The following PWWP3B variants were observed in gnomAD, a reference collection of about 807,000 sequenced individuals.
The protein encoded by PWWP3B is PWWP domain-containing DNA repair factor 3B.
A neutral mutation model predicts 15.7 loss-of-function variants in PWWP3B; 5 were observed. The observed-to-expected ratio is 0.32, with a 90% CI of 0.17 to 0.67. The LOEUF (loss-of-function observed/expected upper bound fraction) is 0.67, where lower values mean the gene tolerates loss of function less well. PWWP3B is among the 30% of genes least tolerant of loss of function. The pLI, the probability that PWWP3B is intolerant of heterozygous loss-of-function variation, is 0.74. For synonymous variants in PWWP3B, 203 were observed against 179.8 expected (o/e 1.13, Z -1.03); for missense variants, 519 against 493.1 (o/e 1.05, Z -0.50).
At chrX:106,180,416 T>G (rs1317760520) in intron 2 of PWWP3B, among the ~76,000 whole-genome samples, 3 of 112,115 alleles carry the variant, frequency 2.7e-5, no homozygotes, top group African/African-American at 9.7e-5. Flanking sequence ...TATTTATTCA[T>G]CTTTTGTCTT....
Position 106,206,085 on chromosome X carries a change from T to C in PWWP3B, c.653T>C (p.Met218Thr). 8.3e-7 allele frequency: 1 copy of C among 1,211,333 alleles called. No homozygotes were observed. The highest frequency in any genetic ancestry group is 1.1e-6 in the Non-Finnish European group (1 of 895,141). Residue 218 changes from methionine (M) to threonine (T), a missense_variant, in exon 4 of 4, where the codon ATG becomes ACG. Physicochemically the swap from Met to Thr is moderately conservative, Grantham distance 81 (BLOSUM62 -1). Coordinates refer to ENST00000357175, the MANE Select transcript of PWWP3B (RefSeq NM_001171020.2). ...NKNKIDISAV[M>T]SVHSAVKEES... The stretch of plus-strand genomic sequence containing the variant: ...AATAAGATTGATATCTCAGCAGTTA[T>C]GTCTGTGCATTCTGCAGTCAAAGAG...
chrX:106,181,192 G>A (rs996453215), intron 2 of PWWP3B, among the ~76,000 whole-genome samples: 2 of 111,954 alleles, frequency 1.8e-5, no homozygotes, highest in African/African-American at 6.5e-5. Flanking sequence ...CTTAAAGGTG[G>A]CACGGGCCCA....
intron 2 of PWWP3B, among the ~76,000 whole-genome samples, chrX:106,191,878 C>T (rs1275119230): frequency 9.0e-6 from 1 of 111,600 alleles, no homozygotes; most frequent in Non-Finnish European, 1.9e-5. Flanking sequence ...TTCTTGCATC[C>T]CAGAGATGAA....
chrX:106,206,397 G>A lies in PWWP3B; in HGVS notation c.965G>A (p.Ser322Asn), dbSNP rs1924025972. The A allele has an allele frequency of 1.7e-6, 2 of 1,208,670 alleles. No individual in the cohort carries two copies. The highest frequency in any genetic ancestry group is 2.2e-6 in the Non-Finnish European group (2 of 893,980). ...TCAAGGGAATGCGAGGTTTCATTTA[G>A]TGCCTCTAACCCTGTCTGGGATTAT... ...SCSRECEVSF[S>N]ASNPVWDYSH... is the part of the protein sequence containing the mutation. The change falls in exon 4 of 4, where the codon AGT becomes AAT. Residue 322 changes from serine (S) to asparagine (N), a missense_variant. By Grantham distance (46) the Ser-to-Asn change is conservative (BLOSUM62 1). Transcript: ENST00000357175.
At chrX:106,202,884 A>G (rs1486621704) in intron 2 of PWWP3B, among the ~76,000 whole-genome samples, 1 of 112,145 alleles carries the variant, frequency 8.9e-6, no homozygotes, top group East Asian at 2.8e-4. Flanking sequence ...GGAAAAACAT[A>G]TCTATGAAAG....
chrX:106,182,014 C>T (rs1922238665), intron 2 of PWWP3B, among the ~76,000 whole-genome samples: 1 of 111,713 alleles, frequency 9.0e-6, no homozygotes, highest in Non-Finnish European at 1.9e-5. Context: ...GAAGCCTTTT[C>T]CTGTAAACAC....
At chrX:106,186,133 C>T (rs759794998) in intron 2 of PWWP3B, among the ~76,000 whole-genome samples, 80 of 111,177 alleles carry the variant, frequency 7.2e-4, no homozygotes, top group Admixed American at 1.5e-3. Context: ...GTCTGACAGG[C>T]GTTAGGACCC....
intron 2 of PWWP3B, among the ~76,000 whole-genome samples, chrX:106,182,681 T>G (rs1922280242): frequency 9.6e-6 from 1 of 104,419 alleles, no homozygotes; most frequent in African/African-American, 3.5e-5. Flanking sequence ...TTCGAGAGGG[T>G]GATTGAAAGA....
rs749708056 is a variant in PWWP3B, at chrX:106,207,346, A to G, written c.1914A>G (p.Glu638=). The G allele has an allele frequency of 2.3e-5, 27 of 1,191,485 alleles. No individual in the cohort carries two copies. The highest frequency in any genetic ancestry group is 2.3e-4 in the Middle Eastern group (1 of 4,356). Residue 638 remains glutamate (E), a synonymous_variant, in exon 4 of 4, where the codon GAA becomes GAG. Coordinates refer to ENST00000357175, the MANE Select transcript of PWWP3B (RefSeq NM_001171020.2). ...ATGATAAAATTAAATTTATCCTAGAAGTTCTTCTGCCAGAAGCAATTATTT... is the reference window on the plus strand; with the variant it reads ...ATGATAAAATTAAATTTATCCTAGAGGTTCTTCTGCCAGAAGCAATTATTT... The part of the protein sequence containing the change: ...IKDDKIKFIL[E]VLLPEAIICS...
chrX:106,204,419 A>T (rs1376863688), intron 3 of PWWP3B, among the ~76,000 whole-genome samples: 2 of 112,184 alleles, frequency 1.8e-5, no homozygotes, highest in Non-Finnish European at 3.8e-5. Flanking sequence ...TTTTTAAACG[A>T]TTATAAAGAA....
At chrX:106,191,560 A>G (rs1410450023) in intron 2 of PWWP3B, among the ~76,000 whole-genome samples, 1 of 111,484 alleles carries the variant, frequency 9.0e-6, no homozygotes, top group Non-Finnish European at 1.9e-5. Flanking sequence ...TGCCCTGGCC[A>G]GAACTTCCAA....
rs763868511 is a variant in PWWP3B at position 106,207,594 on chromosome X, C to G, written c.*71C>G. 1 of 991,933 alleles carries G rather than the reference C, an allele frequency of 1.0e-6. No homozygotes were observed. Among genetic ancestry groups the G allele is most frequent in the East Asian group, 3.4e-5 (1 of 29,426 alleles). 81.7% of individuals were successfully genotyped at this position (991,933 alleles called of 1,213,427 possible). On this transcript the variant is annotated 3_prime_UTR_variant, in exon 4 of 4. Coordinates refer to ENST00000357175, the MANE Select transcript of PWWP3B (RefSeq NM_001171020.2). ...AGTTGAAAAAAGTCTCTGAACAATT[C>G]TCTCTAATACATATTTTCTGCAAAT...
intron 2 of PWWP3B, among the ~76,000 whole-genome samples, chrX:106,195,281 G>T (rs978808515): frequency 9.0e-6 from 1 of 111,074 alleles, no homozygotes; most frequent in Non-Finnish European, 1.9e-5. Context: ...CATCACATAG[G>T]TGTTTTGCAA....
intron 2 of PWWP3B, among the ~76,000 whole-genome samples, chrX:106,181,164 G>A (rs765466714): frequency 4.0e-4 from 45 of 111,819 alleles, no homozygotes; most frequent in African/African-American, 1.3e-3. Context: ...GTGGACCTTC[G>A]CAGTGAGTGT....
At chrX:106,182,832 G>A (rs190801388) in intron 2 of PWWP3B, among the ~76,000 whole-genome samples, 10 of 111,329 alleles carry the variant, frequency 9.0e-5, no homozygotes, top group African/African-American at 2.9e-4. Flanking sequence ...GGCAAGGAGC[G>A]GTGTTAAAGA....
intron 3 of PWWP3B, 130 bp downstream of exon 3, chrX:106,204,300 A>T (rs1923866932): frequency 8.9e-6 from 1 of 112,672 alleles, no homozygotes; most frequent in East Asian, 2.8e-4. Context: ...TTCATGTTAG[A>T]ATCATGTTAG....
In PWWP3B at chrX:106,179,251, C is replaced by G. The variant is rs138198045; in HGVS notation, c.-401+8112C>G. On this transcript the variant is annotated intron_variant, in intron 2 of 3. Coordinates refer to ENST00000357175, the MANE Select transcript of PWWP3B (RefSeq NM_001171020.2). ...CTGATGTGAAGCCTCAAACAGAAAT[C>G]ATTAAAAATGCTGCTACATAGTCTG... 3.3e-3 allele frequency among the ~76,000 whole-genome samples: 368 copies of G among 112,234 alleles called. 4 individuals are homozygous for G. The East Asian group carries it at 0.06, about 18-fold the overall frequency.
chrX:106,171,100 G>T lies in PWWP3B; in HGVS notation c.-440G>T, dbSNP rs1471323403. ...AGCAGCTGGAGTGAGAATCAAGACA[G>T]CTGGACCACAGGACCAGACCCAGCA... On this transcript the variant is annotated 5_prime_UTR_variant, in exon 2 of 4. Transcript: ENST00000357175. The T allele has an allele frequency of 9.0e-6, 1 of 111,664 alleles. No homozygotes were observed. The highest frequency in any genetic ancestry group is 1.9e-5 in the Non-Finnish European group (1 of 53,191). The allele number at this position is 111,664 out of a possible 1,213,427, so 9.2% of individuals were successfully genotyped here.
chrX:106,190,163 G>T (rs752838490), intron 2 of PWWP3B, among the ~76,000 whole-genome samples: 2,417 of 111,428 alleles, frequency 0.022, 67 homozygotes, highest in African/African-American at 0.075. Context: ...CCCACCAACA[G>T]TGTAAAAGTG....
Sources: gnomAD v4.1 joint callset for allele counts (sites outside exome capture counted in the v4.1 genomes callset) on GRCh38, gnomAD v4.1.1 for gene constraint, MANE v1.5 for transcripts, NCBI Gene and HGNC (gene_info 2026-07-23, HGNC 2026-07-21) for gene names.